The following ATP2B2 variants were observed in gnomAD, a reference collection of about 807,000 sequenced individuals.
ATP2B2 encodes ATPase plasma membrane Ca2+ transporting 2.
In ATP2B2, 15 loss-of-function variants were observed where a neutral mutation model predicts 120.0. The observed-to-expected ratio is 0.12, with a 90% confidence interval of 0.08 to 0.19. The LOEUF is 0.19. Among genes scored for constraint, ATP2B2 ranks in the 10% least tolerant of loss-of-function variants. The pLI, the probability that ATP2B2 is intolerant of heterozygous loss-of-function variation, is 1.00. For missense variants in ATP2B2, 1,045 were observed against 1,719.8 expected (o/e 0.61, Z 6.94); for synonymous variants, 694 against 700.3 (o/e 0.99, Z 0.14).
intron 2 of ATP2B2, among the ~76,000 whole-genome samples, chr3:10,590,137 C>T (rs182619523): frequency 1.3e-5 from 2 of 152,184 alleles, no homozygotes; most frequent in Non-Finnish European, 2.9e-5. Flanking sequence ...GGATCTCCAG[C>T]CACTGTGTTG....
chr3:10,589,612 T>G (rs1482396898), intron 2 of ATP2B2, among the ~76,000 whole-genome samples: 1 of 152,228 alleles, frequency 6.6e-6, no homozygotes, highest in African/African-American at 2.4e-5. Context: ...TCAGAAACTC[T>G]TGTGGGCCTC....
intron 1 of ATP2B2, among the ~76,000 whole-genome samples, chr3:10,488,313 T>C (rs144810554): frequency 0.99 from 132,070 of 132,840 alleles, 65,650 homozygotes; most frequent in Middle Eastern, 1. Context: ...ATCTATTCAT[T>C]CACTCACAAA....
intron 12 of ATP2B2, among the ~76,000 whole-genome samples, chr3:10,370,459 G>C (rs73811897): frequency 1.5e-4 from 23 of 152,342 alleles, no homozygotes; most frequent in Non-Finnish European, 2.6e-4. Context: ...CAAAAACGTC[G>C]TCATGTTTGG....
chr3:10,707,464 C>T (rs561071672), intron 1 of ATP2B2, among the ~76,000 whole-genome samples: 1 of 152,286 alleles, frequency 6.6e-6, no homozygotes, highest in East Asian at 1.9e-4. Flanking sequence ...CAACCTGTCC[C>T]GAGCCTGCAG....
At chr3:10,515,754 C>A (rs1419370286) in intron 3 of ATP2B2, among the ~76,000 whole-genome samples, 1 of 152,230 alleles carries the variant, frequency 6.6e-6, no homozygotes, top group African/African-American at 2.4e-5. Context: ...CTGGTTTCTT[C>A]ATCAGTAACA....
intron 1 of ATP2B2, among the ~76,000 whole-genome samples, chr3:10,451,763 G>C (rs1446071889): frequency 6.6e-6 from 1 of 152,164 alleles, no homozygotes; most frequent in Non-Finnish European, 1.5e-5. Flanking sequence ...CATGTTCCTT[G>C]GCCATGGATG....
intron 1 of ATP2B2, among the ~76,000 whole-genome samples, chr3:10,671,316 TG>T (rs535387919): frequency 1.3e-5 from 2 of 152,184 alleles, no homozygotes; most frequent in South Asian, 4.1e-4. Context: ...CTCTGTGGTT[TG>T]GGGCCCTCTC....
At chr3:10,700,073 A>G (rs1396573724) in intron 1 of ATP2B2, among the ~76,000 whole-genome samples, 3 of 152,126 alleles carry the variant, frequency 2.0e-5, no homozygotes, top group African/African-American at 4.8e-5. Flanking sequence ...GCTAAAATCA[A>G]CCTACTTTGG....
At chr3:10,513,102 T>C (rs1245761323) in intron 3 of ATP2B2, among the ~76,000 whole-genome samples, 2 of 152,066 alleles carry the variant, frequency 1.3e-5, no homozygotes, top group Admixed American at 6.5e-5. Flanking sequence ...GAGACAGCCA[T>C]GAAATGAAAT....
intron 5 of ATP2B2, among the ~76,000 whole-genome samples, chr3:10,392,695 G>A (rs2061893755): frequency 6.6e-6 from 1 of 152,324 alleles, no homozygotes; most frequent in Non-Finnish European, 1.5e-5. Context: ...ATACAAGCAC[G>A]GGGAGGGGTA....
intron 22 of ATP2B2, among the ~76,000 whole-genome samples, chr3:10,334,253 T>G (rs2060057674): frequency 1.3e-5 from 2 of 152,176 alleles, no homozygotes; most frequent in African/African-American, 4.8e-5. Flanking sequence ...AACTGGGCCT[T>G]CACCCAGAAG....
intron 1 of ATP2B2, among the ~76,000 whole-genome samples, chr3:10,621,656 T>A (rs1274223612): frequency 6.6e-6 from 1 of 152,154 alleles, no homozygotes; most frequent in African/African-American, 2.4e-5. Context: ...CCTTTGACAA[T>A]AGCAATCTTA....
Position 10,346,200 on chromosome 3 carries a change from C to T in ATP2B2, c.2405-63G>A, listed in dbSNP as rs1306309747. 4.5e-6 allele frequency: 7 copies of T among 1,549,538 alleles called. No individual in the cohort carries two copies. The African/African-American group carries it at 6.8e-5, about 15-fold the overall frequency. ...CAGGTGGGAGGCAGCCTGGGCCAGC[C>T]CTGGTCCTCGGGAGGGGCCTGGCTG... is the stretch of plus-strand genomic sequence containing the variant. On this transcript the variant is annotated intron_variant, in intron 16 of 22. Coordinates refer to ENST00000360273, the MANE Select transcript of ATP2B2 (RefSeq NM_001001331.4). The surrounding 1 kb of genome is among the most constrained non-coding windows in gnomAD (Gnocchi z 4.1).
At chr3:10,593,376 G>A (rs945114448) in intron 2 of ATP2B2, among the ~76,000 whole-genome samples, 2 of 152,150 alleles carry the variant, frequency 1.3e-5, no homozygotes, top group African/African-American at 4.8e-5. Flanking sequence ...AGGTTTGAGG[G>A]ACTCCAGAGT....
In ATP2B2 at chr3:10,410,832, G is replaced by A; in HGVS notation, c.200-17C>T. On this transcript the variant is annotated splice_polypyrimidine_tract_variant and intron_variant, in intron 2 of 22. Coordinates refer to ENST00000360273, the MANE Select transcript of ATP2B2 (RefSeq NM_001001331.4). ...CCGGCAAACCTGTGGACAGAGAACA[G>A]AGAGGTTGGCTGGGGGCCTGGGAGA... 6.2e-7 allele frequency: 1 copy of A among 1,612,434 alleles called. No homozygotes were observed. Among genetic ancestry groups the A allele is most frequent in the Non-Finnish European group, 8.5e-7 (1 of 1,179,978 alleles).
chr3:10,403,968 A>C (rs1267296425), intron 3 of ATP2B2, among the ~76,000 whole-genome samples: 11 of 152,240 alleles, frequency 7.2e-5, no homozygotes, highest in Non-Finnish European at 1.5e-5. Flanking sequence ...GGAACAGAGA[A>C]CAGAAGCTTC....
chr3:10,382,585 G>A (rs1331757284), intron 8 of ATP2B2, among the ~76,000 whole-genome samples: 1 of 149,496 alleles, frequency 6.7e-6, no homozygotes, highest in Non-Finnish European at 1.5e-5. Flanking sequence ...TCCAACTCCT[G>A]ACCTCAAGCA....
chr3:10,373,393 T>G (rs1316065288), intron 11 of ATP2B2, among the ~76,000 whole-genome samples: 1 of 152,228 alleles, frequency 6.6e-6, no homozygotes, highest in Non-Finnish European at 1.5e-5. Context: ...TGAAGAGGGT[T>G]TGTCTGTTGG....
chr3:10,386,903 G>A (rs1010161119), intron 6 of ATP2B2, among the ~76,000 whole-genome samples: 3 of 152,228 alleles, frequency 2.0e-5, no homozygotes, highest in African/African-American at 7.2e-5. Context: ...GTTGACACTT[G>A]TCTTCCTACT....
Sources: allele counts gnomAD v4.1 joint callset (sites outside exome capture counted in the v4.1 genomes callset), GRCh38; gene constraint gnomAD v4.1.1; non-coding constraint Gnocchi (gnomAD v3.1); transcripts MANE v1.5; gene names NCBI Gene and HGNC (gene_info 2026-07-23, HGNC 2026-07-21).